The following CCDC92 variants were observed in gnomAD, a reference collection of about 807,000 sequenced individuals.
CCDC92 encodes coiled-coil domain containing 92.
Under a neutral mutation model 24.9 loss-of-function variants are expected in CCDC92, and 12 were observed. The observed-to-expected ratio is 0.48, with a 90% CI of 0.31 to 0.78. CCDC92 has a LOEUF of 0.78. CCDC92 is among the 30% of genes least tolerant of loss of function. CCDC92 has a pLI of 0.05. For missense variants in CCDC92, 399 were observed against 439.4 expected, an observed-to-expected ratio of 0.91 and a Z score of 0.82; for synonymous variants, 193 against 196.3, an observed-to-expected ratio of 0.98 and a Z score of 0.14.
rs959042017 is a variant in CCDC92 at position 123,936,615 on chromosome 12, G to C, written c.*443C>G. ...TGACAGGGGTCTCCAGGAGGAGCTC[G>C]GGAGGTGACAAGGGTCTCCAGGAGG... On this transcript the variant is annotated 3_prime_UTR_variant, in exon 5 of 5. Coordinates refer to ENST00000238156, the MANE Select transcript of CCDC92 (RefSeq NM_025140.3). 1 of 185,618 alleles carries C rather than the reference G, an allele frequency of 5.4e-6. No individual in the cohort carries two copies. The highest frequency in any genetic ancestry group is 1.1e-5 in the Non-Finnish European group (1 of 88,718). 11.5% of individuals were successfully genotyped at this position (185,618 alleles called of 1,614,324 possible). A position where few individuals can be genotyped will look rare whatever the true frequency, so the allele number is the denominator to read the frequency against.
chr12:123,948,367 G>T (rs768790949), intron 1 of CCDC92, among the ~76,000 whole-genome samples: 2 of 152,220 alleles, frequency 1.3e-5, no homozygotes, highest in Non-Finnish European at 2.9e-5. Context: ...TACTCTAACT[G>T]CCTTGGTCAA....
At chr12:123,960,717 G>A (rs1029657055) in intron 1 of CCDC92, 3 of 152,190 alleles carry the variant, frequency 2.0e-5, no homozygotes, top group African/African-American at 7.2e-5. Context: ...ACAATGCAGT[G>A]AGTTTTCCAT....
At chr12:123,954,390 G>A (rs1254295740) in intron 1 of CCDC92, among the ~76,000 whole-genome samples, 2 of 152,130 alleles carry the variant, frequency 1.3e-5, no homozygotes, top group African/African-American at 4.8e-5. Context: ...CAATTCTTTA[G>A]ACATTGACAG....
At chr12:123,964,088 A>G (rs2138168047) in intron 1 of CCDC92, among the ~76,000 whole-genome samples, 1 of 152,368 alleles carries the variant, frequency 6.6e-6, no homozygotes, top group Middle Eastern at 3.4e-3. Flanking sequence ...TTGCAGAAAT[A>G]TACTACAGAA....
intron 2 of CCDC92, 189 bp downstream of exon 2, chr12:123,944,083 G>A: frequency 3.8e-6 from 2 of 523,390 alleles, no homozygotes; most frequent in East Asian, 6.7e-5. Context: ...GAGATGGGCT[G>A]AATTCCAGAG....
chr12:123,964,588 A>G lies in CCDC92; in HGVS notation c.-60+7941T>C, dbSNP rs180723019. ...GGGGTGGGGCACACAATTCATACAA[A>G]AAGTAGAATTTTTTCACAAAGGCTA... On this transcript the variant is annotated intron_variant, in intron 1 of 4. Transcript: ENST00000238156. 1.3e-4 allele frequency among the ~76,000 whole-genome samples: 20 copies of G among 152,334 alleles called. No individual in the cohort carries two copies. The East Asian group carries it at 3.9e-3, about 29-fold the overall frequency.
chr12:123,967,820 T>C (rs1404431478), intron 1 of CCDC92, among the ~76,000 whole-genome samples: 1 of 152,268 alleles, frequency 6.6e-6, no homozygotes, highest in African/African-American at 2.4e-5. Context: ...GCTTAAACAA[T>C]GTTACCTAAG....
At chr12:123,941,157 C>T (rs933628974) in intron 4 of CCDC92, among the ~76,000 whole-genome samples, 4 of 152,198 alleles carry the variant, frequency 2.6e-5, no homozygotes, top group African/African-American at 7.2e-5. Context: ...TTCCATGACA[C>T]GGGTAGCTCC....
chr12:123,966,011 A>C (rs780744381), intron 1 of CCDC92: 66 of 152,378 alleles, frequency 4.3e-4, no homozygotes, highest in Non-Finnish European at 7.6e-4. Context: ...TTTCATGTGA[A>C]TGCTTTAGTA....
intron 1 of CCDC92, chr12:123,968,580 C>T (rs555011174): frequency 6.6e-6 from 1 of 152,282 alleles, no homozygotes; most frequent in Non-Finnish European, 1.5e-5. Context: ...ATGCATACAG[C>T]ATAAATAAAT....
intron 1 of CCDC92, chr12:123,946,139 G>A: frequency 8.1e-6 from 1 of 123,434 alleles, no homozygotes; most frequent in Non-Finnish European, 1.7e-5. Flanking sequence ...TCTCCTACCT[G>A]CTCCATTCTG....
rs985531472 is a variant in CCDC92, at chr12:123,951,056, C to T, written c.-59-6692G>A. 4.6e-5 allele frequency among the ~76,000 whole-genome samples: 7 copies of T among 152,314 alleles called. No individual in the cohort carries two copies. In the South Asian group the frequency reaches 8.3e-4, roughly 18 times the overall value. ...CCCTCCAACACGGGGCCTTTGCACA[C>T]CTTGTTCCCTCTGTCTAGAACTCCC... On this transcript the variant is annotated intron_variant, in intron 1 of 4. Coordinates refer to ENST00000238156, the MANE Select transcript of CCDC92 (RefSeq NM_025140.3).
intron 1 of CCDC92, among the ~76,000 whole-genome samples, chr12:123,947,653 G>C (rs564251107): frequency 6.6e-6 from 1 of 152,204 alleles, no homozygotes; most frequent in East Asian, 1.9e-4. Context: ...TGGGGAGGTG[G>C]TGAACCTTTG....
rs551519390 is a variant in CCDC92 at position 123,965,511 on chromosome 12, A to G, written c.-60+7018T>C. ...GCTGCACGCTCTTGGAGGAGCTTAC[A>G]TTTCTCACGGCCCTCATGTAACCCA... is the stretch of plus-strand genomic sequence containing the variant. On this transcript the variant is annotated intron_variant, in intron 1 of 4. Coordinates refer to ENST00000238156, the MANE Select transcript of CCDC92 (RefSeq NM_025140.3). Among the ~76,000 whole-genome samples the G allele has an allele frequency of 7.2e-5, 11 of 152,138 alleles. 1 individual carries two copies. The highest frequency in any genetic ancestry group is 5.2e-4 in the Admixed American group (8 of 15,294).
chr12:123,959,250 GTGA>G (rs1247158951), intron 1 of CCDC92, among the ~76,000 whole-genome samples: 6 of 152,172 alleles, frequency 3.9e-5, no homozygotes, highest in Admixed American at 1.3e-4. Context: ...GGAACTTTCT[GTGA>G]TGATGTAAAT....
chr12:123,938,332 CT>C (rs1048658178), intron 4 of CCDC92, among the ~76,000 whole-genome samples: 1 of 152,142 alleles, frequency 6.6e-6, no homozygotes, highest in African/African-American at 2.4e-5. Context: ...TCTCACCCCC[CT>C]ACCCCCGTCT....
rs1955686322 is a variant in CCDC92 at position 123,941,602 on chromosome 12, A to G, written c.223+1142T>C. 1.3e-5 allele frequency among the ~76,000 whole-genome samples: 2 copies of G among 152,374 alleles called. 1 individual carries two copies. The highest frequency in any genetic ancestry group is 4.1e-4 in the South Asian group (2 of 4,830). On this transcript the variant is annotated intron_variant, in intron 4 of 4. Transcript: ENST00000238156. ...AAGTTCTTCAAAGTTTCTTGAAACC[A>G]TAAAGAGCTTGTCATTTCCTTGCTC...
Position 123,937,172 on chromosome 12 carries a change from C to T in CCDC92, c.882G>A (p.Arg294=), listed in dbSNP as rs919752880. The change falls in exon 5 of 5, where the codon CGG becomes CGA. Residue 294 remains arginine (R), a synonymous_variant. Transcript: ENST00000238156. The surrounding 1 kb of genome is among the most constrained non-coding windows in gnomAD (Gnocchi z 8.4). ...CCTGCGGCGGGGTGGCGTGGTGGAT[C>T]CGATGTGCCACCCCGACGTGGGCCT... ...PHKAHVGVAH[R]IHHATPPQAQ... is the part of the protein sequence containing the mutation. The T allele has an allele frequency of 1.2e-6, 2 of 1,610,248 alleles. No homozygotes were observed. The highest frequency in any genetic ancestry group is 2.7e-5 in the African/African-American group (2 of 74,890).
At chr12:123,943,914 A>C (rs1258432964) in intron 2 of CCDC92, 6 of 452,578 alleles carry the variant, frequency 1.3e-5, no homozygotes, top group Non-Finnish European at 2.4e-5. Context: ...CTCTCCACGC[A>C]CCACCTCACC....
Sources: allele counts gnomAD v4.1 joint callset (sites outside exome capture counted in the v4.1 genomes callset), GRCh38; gene constraint gnomAD v4.1.1; non-coding constraint Gnocchi (gnomAD v3.1); transcripts MANE v1.5; gene names NCBI Gene and HGNC (gene_info 2026-07-23, HGNC 2026-07-21).